STK35: variants seen among roughly 807,000 people sequenced by gnomAD.
The protein encoded by STK35 is serine/threonine kinase 35, also known as serine/threonine-protein kinase 35.
In STK35, 17 loss-of-function variants were observed where a neutral mutation model predicts 37.3. That is an observed-to-expected ratio of 0.46 (90% CI 0.31 to 0.68). The LOEUF (loss-of-function observed/expected upper bound fraction) is 0.68, where lower values mean the gene tolerates loss of function less well. STK35 is among the 30% of genes least tolerant of loss of function. The probability of loss-of-function intolerance (pLI) is 0.05; values close to 1 mark genes in which losing one functional copy is unlikely to be tolerated. For synonymous variants in STK35, 385 were observed against 319.1 expected (o/e 1.21, Z -2.20); for missense variants, 595 against 746.7 (o/e 0.80, Z 2.37).
Position 2,115,871 on chromosome 20 carries a change from A to G in STK35, c.893-795A>G, listed in dbSNP as rs148595720. Reference sequence around the variant, plus strand: ...GGTAAGTTCAGTCCTGCCCCCTCTGACACCTTCAGATCTGGCCACTCCTGC... The same window carrying G: ...GGTAAGTTCAGTCCTGCCCCCTCTGGCACCTTCAGATCTGGCCACTCCTGC... On this transcript the variant is annotated intron_variant, in intron 2 of 3. Transcript: ENST00000381482. Among the ~76,000 whole-genome samples, 199 of 148,972 alleles carry G rather than the reference A, an allele frequency of 1.3e-3. 3 individuals carry two copies. In the East Asian group the frequency reaches 0.038, roughly 28 times the overall value.
At position 2,102,006 on chromosome 20, in the gene STK35, C is replaced by A. The variant is rs970602973; in HGVS notation, c.125C>A (p.Ala42Asp). Residue 42 changes from alanine (A) to aspartate (D), a missense_variant, in exon 1 of 4, where the codon GCT becomes GAT. Ala to Asp is a moderately radical substitution (Grantham distance 126). Around this residue, in one of 3 missense-constraint regions of STK35, gnomAD observed 389 missense variants for 320.0 expected, o/e 1.22. Coordinates refer to ENST00000381482, the MANE Select transcript of STK35 (RefSeq NM_080836.4). ...VESHGSLGAQ[A>D]SPASAAAAEG... ...AGCCACGGGAGCCTAGGAGCCCAGG[C>A]TTCCCCAGCGAGCGCCGCGGCAGCA... 13 of 1,527,518 alleles carry A rather than the reference C, an allele frequency of 8.5e-6. No individual in the cohort carries two copies. The African/African-American group carries it at 1.2e-4, about 15-fold the overall frequency. The allele number at this position is 1,527,518 out of a possible 1,614,324, so 94.6% of individuals were successfully genotyped here. A position where few individuals can be genotyped will look rare whatever the true frequency, so the allele number is the denominator to read the frequency against.
chr20:2,135,176 C>T (rs1010898790), intron 3 of STK35, among the ~76,000 whole-genome samples: 1 of 152,210 alleles, frequency 6.6e-6, no homozygotes, highest in Admixed American at 6.5e-5. Context: ...AGGTTGCCTC[C>T]TGGGAGCACA....
chr20:2,130,520 G>C (rs1568580134), intron 3 of STK35, among the ~76,000 whole-genome samples: 1 of 152,092 alleles, frequency 6.6e-6, no homozygotes, highest in African/African-American at 2.4e-5. Flanking sequence ...GCGGGGTCTT[G>C]TCACATGGGC....
chr20:2,119,189 A>G (rs1039378912), intron 3 of STK35, among the ~76,000 whole-genome samples: 2 of 152,346 alleles, frequency 1.3e-5, no homozygotes, highest in East Asian at 1.9e-4. Flanking sequence ...TCTTCAAATC[A>G]TAATTGTTTT....
At chr20:2,107,793 C>T (rs1985544238) in intron 2 of STK35, among the ~76,000 whole-genome samples, 1 of 152,170 alleles carries the variant, frequency 6.6e-6, no homozygotes, top group Non-Finnish European at 1.5e-5. Context: ...TCTGAATCCT[C>T]TTCTGTGGCT....
rs896386222 is a variant in STK35 at position 2,101,840 on chromosome 20, G to A, written c.-42G>A. On this transcript the variant is annotated 5_prime_UTR_variant, in exon 1 of 4. Coordinates refer to ENST00000381482, the MANE Select transcript of STK35 (RefSeq NM_080836.4). The stretch of plus-strand genomic sequence containing the variant: ...TGCGGCTGCTCCGTCGACCTTTGCA[G>A]GACCGGGCGGTGCAGGGCTCACTCG... 21 of 1,320,520 alleles carry A rather than the reference G, an allele frequency of 1.6e-5. No homozygotes were observed. In the East Asian group the frequency reaches 4.3e-4, roughly 27 times the overall value. The allele number at this position is 1,320,520 out of a possible 1,614,324, so 81.8% of individuals were successfully genotyped here.
At chr20:2,124,721 A>C (rs1240931097) in intron 3 of STK35, among the ~76,000 whole-genome samples, 5 of 152,122 alleles carry the variant, frequency 3.3e-5, no homozygotes, top group Non-Finnish European at 7.4e-5. Flanking sequence ...CTCGCAGGAA[A>C]TTGAAGCTCA....
chr20:2,106,369 A>C (rs375263306), intron 2 of STK35, among the ~76,000 whole-genome samples: 1 of 152,352 alleles, frequency 6.6e-6, no homozygotes, highest in Middle Eastern at 3.4e-3. Flanking sequence ...AAAAGTGTGA[A>C]TCTGCCTTGA....
chr20:2,102,976 CGGCGGCCCGGGCCATGGATCCGGT>C lies in STK35; in HGVS notation c.511_534del (p.Arg171_Ala178del). 1.4e-6 allele frequency: 2 copies of C among 1,420,460 alleles called. No individual in the cohort carries two copies. The highest frequency in any genetic ancestry group is 1.8e-6 in the Non-Finnish European group (2 of 1,093,342). The allele number at this position is 1,420,460 out of a possible 1,614,324, so 88.0% of individuals were successfully genotyped here. A position where few individuals can be genotyped will look rare whatever the true frequency, so the allele number is the denominator to read the frequency against. On this transcript the variant is annotated inframe_deletion, in exon 2 of 4. Transcript: ENST00000381482. ...CCCAGCACGAAGCTGAGGCCGGCGG[CGGCGGCCCGGGCCATGGATCCGGT>C]GGCGGCCGAGGCCCCGGGCGAGGCC...
chr20:2,147,976 T>A lies in STK35; in HGVS notation c.*4230T>A, dbSNP rs1257037460. The A allele has an allele frequency of 1.3e-5, 2 of 152,168 alleles. No individual in the cohort carries two copies. The highest frequency in any genetic ancestry group is 2.9e-5 in the Non-Finnish European group (2 of 68,060). 9.4% of individuals were successfully genotyped at this position (152,168 alleles called of 1,614,324 possible). On this transcript the variant is annotated 3_prime_UTR_variant, in exon 4 of 4. Coordinates refer to ENST00000381482, the MANE Select transcript of STK35 (RefSeq NM_080836.4). ...TTCAAGGGGCTTCTGTCTGGAGAAA[T>A]GCCCTCAAAGGGTAACCAGTAGGTG...
chr20:2,133,629 C>T (rs569497146), intron 3 of STK35, among the ~76,000 whole-genome samples: 6 of 152,198 alleles, frequency 3.9e-5, no homozygotes, highest in South Asian at 2.1e-4. Context: ...GGTTCTCAGA[C>T]GCAGACAAGA....
chr20:2,138,222 T>A (rs1485015783), intron 3 of STK35, among the ~76,000 whole-genome samples: 1 of 152,154 alleles, frequency 6.6e-6, no homozygotes, highest in Non-Finnish European at 1.5e-5. Flanking sequence ...AGTCTATGAG[T>A]ATGCCAATGG....
At position 2,103,032 on chromosome 20, in the gene STK35, G is replaced by A; in HGVS notation, c.559G>A (p.Ala187Thr). ...AAEAPGEAFLARRRPEGGGGS... is the reference protein window; with the variant it reads ...AAEAPGEAFLTRRRPEGGGGS... ...CGAGGCCCCGGGCGAGGCCTTCCTG[G>A]CGCGGCGACGGCCTGAGGGCGGTGG... is the stretch of plus-strand genomic sequence containing the variant. Residue 187 changes from alanine (A) to threonine (T), a missense_variant, in exon 2 of 4, where the codon GCG becomes ACG. Physicochemically the swap from Ala to Thr is moderately conservative, Grantham distance 58 (BLOSUM62 0). Coordinates refer to ENST00000381482, the MANE Select transcript of STK35 (RefSeq NM_080836.4). The A allele has an allele frequency of 6.8e-7, 1 of 1,474,200 alleles. No individual in the cohort carries two copies. The highest frequency in any genetic ancestry group is 1.3e-5 in the South Asian group (1 of 74,678). 91.3% of individuals were successfully genotyped at this position (1,474,200 alleles called of 1,614,324 possible). A position where few individuals can be genotyped will look rare whatever the true frequency, so the allele number is the denominator to read the frequency against.
In STK35 at chr20:2,108,544, T is replaced by C. The variant is rs572666662; in HGVS notation, c.892+5179T>C. ...AAAGAAACTAATGGCTCCTCTTTGT[T>C]TTTAGTTGTATATTGATCAGTGCTT... On this transcript the variant is annotated intron_variant, in intron 2 of 3. Transcript: ENST00000381482. Among the ~76,000 whole-genome samples the C allele has an allele frequency of 5.9e-5, 9 of 152,236 alleles. No homozygotes were observed. The South Asian group carries it at 1.2e-3, about 21-fold the overall frequency.
In STK35 at chr20:2,103,017, G is replaced by A. The variant is rs1399518815; in HGVS notation, c.544G>A (p.Gly182Ser). Residue 182 changes from glycine to serine, a missense_variant, in exon 2 of 4, where the codon GGC (glycine) becomes AGC (serine). By Grantham distance (56) the Gly-to-Ser change is moderately conservative (BLOSUM62 0). Around this residue, in one of 3 missense-constraint regions of STK35, gnomAD observed 389 missense variants for 320.0 expected, o/e 1.22. Transcript: ENST00000381482. ...GGATCCGGTGGCGGCCGAGGCCCCG[G>A]GCGAGGCCTTCCTGGCGCGGCGACG... The part of the protein sequence containing the change: ...AMDPVAAEAP[G>S]EAFLARRRPE... The A allele has an allele frequency of 2.8e-6, 4 of 1,449,592 alleles. No homozygotes were observed. Among genetic ancestry groups the A allele is most frequent in the East Asian group, 2.9e-5 (1 of 34,772 alleles). 89.8% of individuals were successfully genotyped at this position (1,449,592 alleles called of 1,614,324 possible).
chr20:2,141,722 C>T (rs1267311791), intron 3 of STK35, among the ~76,000 whole-genome samples: 1 of 152,162 alleles, frequency 6.6e-6, no homozygotes, highest in Non-Finnish European at 1.5e-5. Flanking sequence ...TGTGTTTTTA[C>T]ATAGTTATGG....
At chr20:2,121,972 T>G (rs1985826521) in intron 3 of STK35, among the ~76,000 whole-genome samples, 1 of 152,224 alleles carries the variant, frequency 6.6e-6, no homozygotes, top group Non-Finnish European at 1.5e-5. Context: ...CCTCTTTACA[T>G]TTTTGAATTT....
rs1333356546 is a variant in STK35 at position 2,102,794 on chromosome 20, G to A, written c.321G>A (p.Pro107=). 4 of 1,487,690 alleles carry A rather than the reference G, an allele frequency of 2.7e-6. No individual in the cohort carries two copies. The highest frequency in any genetic ancestry group is 2.9e-5 in the African/African-American group (2 of 69,544). 92.2% of individuals were successfully genotyped at this position (1,487,690 alleles called of 1,614,324 possible). A position where few individuals can be genotyped will look rare whatever the true frequency, so the allele number is the denominator to read the frequency against. ...GQVTIQGPAP[P]RPRAGRRDEA... Reference sequence around the variant, plus strand: ...TCACAATCCAAGGTCCGGCTCCTCCGCGTCCCAGGGCCGGACGGAGGGATG... The same window carrying A: ...TCACAATCCAAGGTCCGGCTCCTCCACGTCCCAGGGCCGGACGGAGGGATG... Residue 107 remains proline, a synonymous_variant, in exon 2 of 4, where the codon CCG becomes CCA. Transcript: ENST00000381482.
chr20:2,134,260 C>CA (rs34068371), intron 3 of STK35, among the ~76,000 whole-genome samples: 64,589 of 119,076 alleles, frequency 0.54, 19,504 homozygotes, highest in Non-Finnish European at 0.71. Flanking sequence ...ACTCCGTCTC[C>CA]AAAAAAAAAA....
Sources: allele counts gnomAD v4.1 joint callset (sites outside exome capture counted in the v4.1 genomes callset), GRCh38; gene constraint gnomAD v4.1.1; regional missense constraint gnomAD v4.1.1; transcripts MANE v1.5; gene names NCBI Gene and HGNC (gene_info 2026-07-23, HGNC 2026-07-21).